Variants in CNTN4 observed in about 807,000 individuals in gnomAD.
CNTN4 encodes contactin 4, also known as contactin-4.
In CNTN4, 77 loss-of-function variants were observed where a neutral mutation model predicts 122.5. The ratio of observed to expected loss-of-function variants is 0.63; its 90% CI spans 0.52 to 0.76. The LOEUF (loss-of-function observed/expected upper bound fraction) is 0.76. Ranked by LOEUF, CNTN4 falls within the 30% of genes least tolerant of loss-of-function variation. CNTN4 has a pLI of 0.00. For synonymous variants in CNTN4, 512 were observed against 447.0 expected, an observed-to-expected ratio of 1.15 and a Z score of -1.83; for missense variants, 1,256 against 1,259.1, an observed-to-expected ratio of 1.00 and a Z score of 0.04.
At chr3:3,042,765 C>T (rs548287446) in intron 21 of CNTN4, 9 of 607,142 alleles carry the variant, frequency 1.5e-5, no homozygotes, top group South Asian at 4.1e-5. Context: ...GTCAATGTAC[C>T]GTCTCACTAG....
At chr3:2,746,048 T>A (rs2089739515) in intron 6 of CNTN4, among the ~76,000 whole-genome samples, 1 of 152,186 alleles carries the variant, frequency 6.6e-6, no homozygotes, top group Non-Finnish European at 1.5e-5. Context: ...ACACACATTT[T>A]AAATAGAATG....
chr3:2,705,613 T>TTA (rs1437846594), intron 4 of CNTN4, among the ~76,000 whole-genome samples: 3 of 75,496 alleles, frequency 4.0e-5, no homozygotes, highest in Non-Finnish European at 6.6e-5. Context: ...TTTTATATAT[T>TTA]TATATATAAT....
At chr3:2,880,614 A>C (rs777154916) in intron 8 of CNTN4, among the ~76,000 whole-genome samples, 1 of 152,204 alleles carries the variant, frequency 6.6e-6, no homozygotes, top group Non-Finnish European at 1.5e-5. Context: ...GGGGCAAGAG[A>C]ACTCAGACAG....
chr3:2,250,107 A>C (rs2040316569), intron 2 of CNTN4, among the ~76,000 whole-genome samples: 1 of 152,000 alleles, frequency 6.6e-6, no homozygotes. Flanking sequence ...CATTTGATCG[A>C]ATAACATTTC....
chr3:2,392,970 G>C (rs773050617), intron 3 of CNTN4, among the ~76,000 whole-genome samples: 1 of 152,132 alleles, frequency 6.6e-6, no homozygotes, highest in Middle Eastern at 3.2e-3. Flanking sequence ...TTGTAACAAA[G>C]TACCACAAAC....
At chr3:2,728,200 C>G (rs548403738) in intron 4 of CNTN4, among the ~76,000 whole-genome samples, 1 of 152,338 alleles carries the variant, frequency 6.6e-6, no homozygotes, top group Admixed American at 6.5e-5. Context: ...AGGAAAATCA[C>G]TCTTACAGTA....
At chr3:2,734,350 C>T (rs776469847) in intron 4 of CNTN4, among the ~76,000 whole-genome samples, 3 of 152,214 alleles carry the variant, frequency 2.0e-5, no homozygotes, top group Non-Finnish European at 4.4e-5. Context: ...GCTTGAGCCA[C>T]GATGCCCAGC....
intron 14 of CNTN4, among the ~76,000 whole-genome samples, chr3:3,005,061 A>C (rs1284382663): frequency 1.3e-5 from 2 of 152,212 alleles, no homozygotes; most frequent in Non-Finnish European, 2.9e-5. Context: ...AAATAGCTTT[A>C]TAGTCTTCTA....
chr3:2,985,345 T>A (rs1694451809), intron 13 of CNTN4: 2 of 152,366 alleles, frequency 1.3e-5, no homozygotes, highest in Admixed American at 1.3e-4. Flanking sequence ...TTTATGAGCA[T>A]CTCTTATTCT....
chr3:2,629,947 T>G (rs1291593976), intron 4 of CNTN4, among the ~76,000 whole-genome samples: 2 of 152,198 alleles, frequency 1.3e-5, no homozygotes, highest in Non-Finnish European at 2.9e-5. Flanking sequence ...TTTCATCCTC[T>G]GCTAAGTTAT....
chr3:2,437,541 G>A (rs935082581), intron 3 of CNTN4, among the ~76,000 whole-genome samples: 4 of 151,942 alleles, frequency 2.6e-5, no homozygotes, highest in Non-Finnish European at 4.4e-5. Flanking sequence ...CTACTTAAAA[G>A]CAATTGAAAA....
intron 4 of CNTN4, among the ~76,000 whole-genome samples, chr3:2,629,147 A>G (rs2082318524): frequency 6.6e-6 from 1 of 152,180 alleles, no homozygotes; most frequent in Admixed American, 6.5e-5. Flanking sequence ...GTGTGGCACC[A>G]ATCCAACAGG....
chr3:2,130,713 T>G (rs557170144), intron 2 of CNTN4, among the ~76,000 whole-genome samples: 2 of 152,188 alleles, frequency 1.3e-5, no homozygotes, highest in Admixed American at 6.5e-5. Context: ...GAGAACTGTG[T>G]GGTGTCTATG....
chr3:2,117,040 T>G (rs180844658), intron 2 of CNTN4, among the ~76,000 whole-genome samples: 18 of 152,244 alleles, frequency 1.2e-4, no homozygotes, highest in Admixed American at 3.9e-4. Context: ...CTAATTCAGT[T>G]CAGTACTGAC....
intron 3 of CNTN4, among the ~76,000 whole-genome samples, chr3:2,460,848 G>A (rs2049178204): frequency 6.6e-6 from 1 of 152,108 alleles, no homozygotes; most frequent in South Asian, 2.1e-4. Context: ...CTGTGTGTGT[G>A]GTGCCATGAT....
Position 3,040,164 on chromosome 3 carries a change from A to G in CNTN4, c.2291A>G (p.Asn764Ser). 1 of 1,614,170 alleles carries G rather than the reference A, an allele frequency of 6.2e-7. No homozygotes were observed. Among genetic ancestry groups the G allele is most frequent in the Non-Finnish European group, 8.5e-7 (1 of 1,179,978 alleles). The change falls in exon 20 of 25, where the codon AAT (asparagine) becomes AGT (serine). Residue 764 changes from asparagine (N) to serine (S), a missense_variant. Coordinates refer to ENST00000418658, the MANE Select transcript of CNTN4 (RefSeq NM_175607.3). ...GATGCCTCTAGATACGTGTTCAGGA[A>G]TGAGAGCGTGCACCCCTTCTCTCCC... ...SADASRYVFR[N>S]ESVHPFSPFE...
chr3:2,866,756 G>A lies in CNTN4; in HGVS notation c.459G>A (p.Leu153=), dbSNP rs775009474. ...TGAAGATTTTTTTCCTTTCAGAGCT[G>A]AGTTATGCCTGGATCTTCAATGAAT... The part of the protein sequence containing the change: ...LCGPPPHSGE[L]SYAWIFNEYP... Residue 153 remains leucine (L), a synonymous_variant, in exon 8 of 25, where the codon CTG becomes CTA. Transcript: ENST00000418658. 5 of 1,613,754 alleles carry A rather than the reference G, an allele frequency of 3.1e-6. No homozygotes were observed. In the South Asian group the frequency reaches 5.5e-5, roughly 18 times the overall value.
chr3:2,540,255 G>C (rs1413371457), intron 3 of CNTN4, among the ~76,000 whole-genome samples: 2 of 152,016 alleles, frequency 1.3e-5, no homozygotes, highest in Non-Finnish European at 1.5e-5. Flanking sequence ...TTGAGGGTAG[G>C]TGTATGTGGT....
intron 3 of CNTN4, among the ~76,000 whole-genome samples, chr3:2,420,627 G>A (rs543275446): frequency 2.6e-5 from 4 of 151,996 alleles, no homozygotes; most frequent in African/African-American, 9.6e-5. Context: ...GTAGAGACAC[G>A]GATTCACCAT....
Sources: allele counts gnomAD v4.1 joint callset (sites outside exome capture counted in the v4.1 genomes callset), GRCh38; gene constraint gnomAD v4.1.1; transcripts MANE v1.5; gene names NCBI Gene and HGNC (gene_info 2026-07-23, HGNC 2026-07-21).